CCDC77: variants seen among roughly 807,000 people sequenced by gnomAD.
CCDC77 encodes the protein coiled-coil domain containing 77.
CCDC77 carries 56 observed loss-of-function variants against 66.8 expected under a neutral mutation model. That is an observed-to-expected ratio of 0.84 (90% confidence interval 0.68 to 1.05). CCDC77 has a LOEUF of 1.05. Ranked by LOEUF, CCDC77 falls within the 50% of genes least tolerant of loss-of-function variation. The pLI is 0.00. For synonymous variants in CCDC77, 196 were observed against 195.2 expected (o/e 1.00, Z -0.03); for missense variants, 570 against 576.8 (o/e 0.99, Z 0.12).
chr12:409,436 T>C lies in CCDC77; in HGVS notation c.38+15T>C. On this transcript the variant is annotated intron_variant, in intron 3 of 12. Transcript: ENST00000239830. Reference sequence around the variant, plus strand: ...GTCTGCAGAAAGTAAGACATTTGCTTATTTTCAAGTTGTTAAGAAATCGAG... The same window carrying C: ...GTCTGCAGAAAGTAAGACATTTGCTCATTTTCAAGTTGTTAAGAAATCGAG... 2 of 1,611,900 alleles carry C rather than the reference T, an allele frequency of 1.2e-6. No individual in the cohort carries two copies. The highest frequency in any genetic ancestry group is 1.7e-6 in the Non-Finnish European group (2 of 1,178,570).
chr12:425,182 C>T (rs1945504394), intron 5 of CCDC77, among the ~76,000 whole-genome samples: 1 of 151,752 alleles, frequency 6.6e-6, no homozygotes, highest in South Asian at 2.1e-4. Flanking sequence ...CTGCCCTCCT[C>T]AGCCTCCCAA....
At chr12:418,781 C>A in intron 5 of CCDC77, 145 bp downstream of exon 5, 1 of 783,334 alleles carries the variant, frequency 1.3e-6, no homozygotes, top group Non-Finnish European at 2.0e-6. Flanking sequence ...CTCACTGCAG[C>A]CTCCACCTCC....
intron 4 of CCDC77, among the ~76,000 whole-genome samples, chr12:414,208 C>T (rs1351652979): frequency 6.6e-6 from 1 of 151,646 alleles, no homozygotes; most frequent in Middle Eastern, 3.2e-3. Flanking sequence ...TCTCCTACCT[C>T]AGCCTCCCAA....
intron 6 of CCDC77, 53 bp from the exon 7 acceptor site, chr12:430,611 A>G (rs1346539625): frequency 1.5e-6 from 2 of 1,344,750 alleles, no homozygotes; most frequent in African/African-American, 1.4e-5. Flanking sequence ...GCTGAAAAGT[A>G]AAATATTACG....
chr12:435,697 C>T (rs551264359), intron 9 of CCDC77, among the ~76,000 whole-genome samples: 12 of 152,276 alleles, frequency 7.9e-5, no homozygotes, highest in East Asian at 3.9e-4. Flanking sequence ...TCATATAACC[C>T]GAAGTTAGCA....
upstream of CCDC77, among the ~76,000 whole-genome samples, chr12:397,597 T>C (rs529065544): frequency 2.6e-5 from 4 of 152,326 alleles, no homozygotes; most frequent in South Asian, 8.3e-4. Context: ...GTCTAGTGCA[T>C]TATTTCTAGT....
intron 4 of CCDC77, among the ~76,000 whole-genome samples, chr12:416,344 GGTGTGTGTGTGTGT>G: frequency 2.7e-5 from 1 of 37,110 alleles, no homozygotes; most frequent in African/African-American, 9.2e-5. Context: ...GGTGTGTGGG[GGTGTGTGTGTGTGT>G]GTGTGTGTGT....
chr12:415,429 T>A lies in CCDC77; in HGVS notation c.271-3065T>A, dbSNP rs145993047. 2.4e-3 allele frequency among the ~76,000 whole-genome samples: 353 copies of A among 144,656 alleles called. 25 individuals are homozygous for A. The highest frequency in any genetic ancestry group is 8.3e-3 in the African/African-American group (329 of 39,608). 94.9% of individuals were successfully genotyped at this position (144,656 alleles called of 152,430 possible). On this transcript the variant is annotated intron_variant, in intron 4 of 12. Coordinates refer to ENST00000239830, the MANE Select transcript of CCDC77 (RefSeq NM_032358.4). ...TAATATGTTGATATTATTAACATAA[T>A]TAACATAATAATATGTTAATATTAA...
chr12:424,734 A>G (rs985657937), intron 5 of CCDC77, among the ~76,000 whole-genome samples: 3 of 152,006 alleles, frequency 2.0e-5, no homozygotes, highest in African/African-American at 7.2e-5. Flanking sequence ...ATTGTCAGGA[A>G]ACTTTTCTCC....
intron 4 of CCDC77, among the ~76,000 whole-genome samples, chr12:416,375 GTGTATATATATATATATATATATA>G (rs1381494030): frequency 3.9e-4 from 8 of 20,602 alleles, no homozygotes; most frequent in African/African-American, 5.9e-4. Flanking sequence ...GTGTGTGTGT[GTGTATATATATATATATATATATA>G]TATATATATA....
At chr12:426,107 C>T (rs1945524544) in intron 5 of CCDC77, among the ~76,000 whole-genome samples, 1 of 152,190 alleles carries the variant, frequency 6.6e-6, no homozygotes, top group African/African-American at 2.4e-5. Flanking sequence ...TCGTGGTCCA[C>T]CCGCCTCGGC....
At chr12:437,331 C>T (rs1297779334) in intron 9 of CCDC77, among the ~76,000 whole-genome samples, 1 of 152,060 alleles carries the variant, frequency 6.6e-6, no homozygotes, top group Non-Finnish European at 1.5e-5. Context: ...TAGTATTATC[C>T]TTGACAATCT....
At chr12:439,577 G>A (rs961306150) in intron 10 of CCDC77, among the ~76,000 whole-genome samples, 21 of 151,298 alleles carry the variant, frequency 1.4e-4, no homozygotes, top group Non-Finnish European at 1.9e-4. Flanking sequence ...TCAGGAGTTC[G>A]AGAGCAGCCT....
chr12:396,307 G>A (rs183760891), intron 1 of CCDC77, among the ~76,000 whole-genome samples: 31 of 152,280 alleles, frequency 2.0e-4, no homozygotes, highest in Admixed American at 1.6e-3. Context: ...CCAGAGAATC[G>A]CTTGAACCTG....
intron 5 of CCDC77, among the ~76,000 whole-genome samples, chr12:419,381 A>G (rs1299572993): frequency 1.3e-5 from 2 of 152,250 alleles, no homozygotes; most frequent in African/African-American, 2.4e-5. Context: ...AGATATGGTC[A>G]CAAGAAGGAG....
At chr12:433,577 A>G (rs1033713556) in intron 9 of CCDC77, 7 of 810,498 alleles carry the variant, frequency 8.6e-6, no homozygotes, top group Middle Eastern at 4.8e-4. Flanking sequence ...GTGGCTAAGA[A>G]GTGTTCTTAG....
intron 1 of CCDC77, among the ~76,000 whole-genome samples, chr12:394,560 T>C (rs578106458): frequency 1.3e-5 from 2 of 152,378 alleles, no homozygotes; most frequent in East Asian, 3.9e-4. Context: ...CCACGGTCAA[T>C]GCTGCTCTTG....
At position 436,263 on chromosome 12, in the gene CCDC77, G is replaced by A. The variant is rs779544961; in HGVS notation, c.822-2072G>A. On this transcript the variant is annotated intron_variant, in intron 9 of 12. Transcript: ENST00000239830. ...CTCCTGAGTAGCTGGGACTACAGGCGCCCACCACCACGCCCGGCTAATTTT... is the reference window on the plus strand; with the variant it reads ...CTCCTGAGTAGCTGGGACTACAGGCACCCACCACCACGCCCGGCTAATTTT... Among the ~76,000 whole-genome samples, 234 of 151,326 alleles carry A rather than the reference G, an allele frequency of 1.5e-3. 1 individual carries two copies. The highest frequency in any genetic ancestry group is 3.4e-3 in the Middle Eastern group (1 of 292).
rs185986739 is a variant in CCDC77, at chr12:424,322, C to T, written c.414-4447C>T. 5.9e-5 allele frequency among the ~76,000 whole-genome samples: 9 copies of T among 151,798 alleles called. No homozygotes were observed. The East Asian group carries it at 1.7e-3, about 29-fold the overall frequency. ...TAAACCTTTGTTAGATATACAGATG[C>T]ATGCAAATATTTTCTCCTGTTCCAT... On this transcript the variant is annotated intron_variant, in intron 5 of 12. Coordinates refer to ENST00000239830, the MANE Select transcript of CCDC77 (RefSeq NM_032358.4).
Sources: gnomAD v4.1 joint callset for allele counts (sites outside exome capture counted in the v4.1 genomes callset) on GRCh38, gnomAD v4.1.1 for gene constraint, MANE v1.5 for transcripts, NCBI Gene and HGNC (gene_info 2026-07-23, HGNC 2026-07-21) for gene names.